Variants in FSIP2 observed in about 807,000 individuals in gnomAD.
FSIP2 encodes the protein fibrous sheath-interacting protein 2.
Under a neutral mutation model 510.5 loss-of-function variants are expected in FSIP2, and 367 were observed. The ratio of observed to expected loss-of-function variants is 0.72; its 90% confidence interval spans 0.66 to 0.78. The LOEUF is 0.78. Among genes scored for constraint, FSIP2 ranks in the 30% least tolerant of loss-of-function variants. The pLI, the probability that FSIP2 is intolerant of heterozygous loss-of-function variation, is 0.00. For missense variants in FSIP2, 7,594 were observed against 7,901.7 expected, an observed-to-expected ratio of 0.96 and a Z score of 1.48; for synonymous variants, 2,601 against 2,732.2, an observed-to-expected ratio of 0.95 and a Z score of 1.50.
chr2:185,795,880 T>C lies in FSIP2; in HGVS notation c.8744T>C (p.Met2915Thr), dbSNP rs920695047. 32 of 1,532,508 alleles carry C rather than the reference T, an allele frequency of 2.1e-5. No individual in the cohort carries two copies. Among genetic ancestry groups the C allele is most frequent in the Non-Finnish European group, 2.6e-5 (30 of 1,145,460 alleles). The allele number at this position is 1,532,508 out of a possible 1,614,324, so 94.9% of individuals were successfully genotyped here. Residue 2915 changes from methionine to threonine, a missense_variant, in exon 16 of 23, where the codon ATG (methionine) becomes ACG (threonine). Coordinates refer to ENST00000424728, the MANE Select transcript of FSIP2 (RefSeq NM_173651.4). ...GAGGATACTAAAGCACAAATTAATA[T>C]GTTTGGAAGGGAAATTGTTGAAATG... Reference protein sequence around the residue: ...RAEDTKAQINMFGREIVEMLL... With the variant: ...RAEDTKAQINTFGREIVEMLL...
Position 185,800,410 on chromosome 2 carries a change from A to G in FSIP2, c.11104A>G (p.Ile3702Val). 6.6e-7 allele frequency: 1 copy of G among 1,526,680 alleles called. No homozygotes were observed. The allele number at this position is 1,526,680 out of a possible 1,614,324, so 94.6% of individuals were successfully genotyped here. A position where few individuals can be genotyped will look rare whatever the true frequency, so the allele number is the denominator to read the frequency against. ...AGAAGTAGTCAATAAAGTTTTTAAT[A>G]TTGTTTCAGATTTATTTTCACCAGA... Reference protein sequence around the residue: ...SKEVVNKVFNIVSDLFSPDEC... With the variant: ...SKEVVNKVFNVVSDLFSPDEC... Residue 3702 changes from isoleucine (I) to valine (V), a missense_variant, in exon 17 of 23, where the codon ATT (isoleucine) becomes GTT (valine). By Grantham distance (29) the Ile-to-Val change is conservative. Coordinates refer to ENST00000424728, the MANE Select transcript of FSIP2 (RefSeq NM_173651.4).
chr2:185,773,720 T>G (rs1217422705), intron 13 of FSIP2, among the ~76,000 whole-genome samples: 3 of 152,194 alleles, frequency 2.0e-5, no homozygotes, highest in African/African-American at 7.2e-5. Flanking sequence ...TCCAAGGTCT[T>G]TCCTGTTAAT....
At chr2:185,754,847 A>T (rs1207475459) in intron 8 of FSIP2, among the ~76,000 whole-genome samples, 1 of 151,254 alleles carries the variant, frequency 6.6e-6, no homozygotes, top group Non-Finnish European at 1.5e-5. Flanking sequence ...AAATTATTTA[A>T]CCTCCCTAAG....
chr2:185,748,729 G>A lies in FSIP2; in HGVS notation c.870+1306G>A, dbSNP rs569554207. ...AGCCTGGGAGGAGTGCCCATTAGAC[G>A]TGGTCACTGACTGTAAGCATGATAA... On this transcript the variant is annotated intron_variant, in intron 7 of 22. Transcript: ENST00000424728. Among the ~76,000 whole-genome samples the A allele has an allele frequency of 1.5e-3, 222 of 152,112 alleles. 2 individuals are homozygous for A. Among genetic ancestry groups the A allele is most frequent in the African/African-American group, 5.1e-3 (210 of 41,536 alleles).
At position 185,739,471 on chromosome 2, in the gene FSIP2, G is replaced by A; in HGVS notation, c.225G>A (p.Lys75=). The change falls in exon 2 of 23, where the codon AAG becomes AAA. Residue 75 remains lysine, a splice_region_variant and synonymous_variant. Transcript: ENST00000424728. ...TCTATACTACGAATTTCGGTGAAAAGGTGAACAAGTTTTTATCGTCTTTCT... is the reference window on the plus strand; with the variant it reads ...TCTATACTACGAATTTCGGTGAAAAAGTGAACAAGTTTTTATCGTCTTTCT... ...AVFYTTNFGE[K]LFRPSYGFNL... The A allele has an allele frequency of 6.7e-7, 1 of 1,494,906 alleles. No individual in the cohort carries two copies. Among genetic ancestry groups the A allele is most frequent in the Non-Finnish European group, 8.9e-7 (1 of 1,126,612 alleles). The allele number at this position is 1,494,906 out of a possible 1,614,324, so 92.6% of individuals were successfully genotyped here.
In FSIP2 at chr2:185,800,728, G is replaced by A. The variant is rs1195509179; in HGVS notation, c.11422G>A (p.Gly3808Arg). 1.9e-5 allele frequency: 29 copies of A among 1,533,482 alleles called. No homozygotes were observed. Among genetic ancestry groups the A allele is most frequent in the Non-Finnish European group, 2.2e-5 (25 of 1,145,390 alleles). 95.0% of individuals were successfully genotyped at this position (1,533,482 alleles called of 1,614,324 possible). A position where few individuals can be genotyped will look rare whatever the true frequency, so the allele number is the denominator to read the frequency against. The change falls in exon 17 of 23, where the codon GGA becomes AGA. Residue 3808 changes from glycine (G) to arginine (R), a missense_variant. Physicochemically the swap from Gly to Arg is moderately radical, Grantham distance 125 (BLOSUM62 -2). Transcript: ENST00000424728. ...EDGKSDYRKG[G>R]MDCECLQVDY... The stretch of plus-strand genomic sequence containing the variant: ...TGGAAAATCTGATTATCGTAAGGGA[G>A]GAATGGACTGTGAATGCCTTCAAGT...
In FSIP2 at chr2:185,804,726, A is replaced by G; in HGVS notation, c.15420A>G (p.Lys5140=). 6.5e-6 allele frequency: 10 copies of G among 1,530,624 alleles called. No homozygotes were observed. The highest frequency in any genetic ancestry group is 8.7e-6 in the Non-Finnish European group (10 of 1,144,394). 94.8% of individuals were successfully genotyped at this position (1,530,624 alleles called of 1,614,324 possible). Residue 5140 remains lysine (K), a synonymous_variant, in exon 17 of 23, where the codon AAA becomes AAG. Coordinates refer to ENST00000424728, the MANE Select transcript of FSIP2 (RefSeq NM_173651.4). ...FPSTHTENEL[K]EKKFPPDDEF... Reference sequence around the variant, plus strand: ...CAACTCACACTGAAAATGAACTAAAAGAGAAAAAGTTTCCACCGGATGATG... The same window carrying G: ...CAACTCACACTGAAAATGAACTAAAGGAGAAAAAGTTTCCACCGGATGATG...
chr2:185,767,271 A>G (rs1692507486), intron 13 of FSIP2, among the ~76,000 whole-genome samples: 1 of 151,070 alleles, frequency 6.6e-6, no homozygotes, highest in South Asian at 2.1e-4. Flanking sequence ...ATACATATGT[A>G]ACTAACCTGC....
In FSIP2 at chr2:185,809,057, C is replaced by A. The variant is rs773853107; in HGVS notation, c.19751C>A (p.Pro6584His). Reference sequence around the variant, plus strand: ...GGGAGAAATTACTCCTTAGGATCACCTGATTTAGAAAAGAGAAAGACAGAA... The same window carrying A: ...GGGAGAAATTACTCCTTAGGATCACATGATTTAGAAAAGAGAAAGACAGAA... ...ISGRNYSLGS[P>H]DLEKRKTERR... is the part of the protein sequence containing the mutation. The change falls in exon 17 of 23, where the codon CCT becomes CAT. Residue 6584 changes from proline to histidine, a missense_variant. By Grantham distance (77) the Pro-to-His change is moderately conservative. Transcript: ENST00000424728. 2 of 1,607,832 alleles carry A rather than the reference C, an allele frequency of 1.2e-6. No individual in the cohort carries two copies. Among genetic ancestry groups the A allele is most frequent in the Non-Finnish European group, 1.7e-6 (2 of 1,178,030 alleles).
At chr2:185,737,485 C>G (rs1020813769), upstream of FSIP2, among the ~76,000 whole-genome samples, 2 of 152,002 alleles carry the variant, frequency 1.3e-5, no homozygotes, top group Non-Finnish European at 2.9e-5. Flanking sequence ...AAATGATTAG[C>G]GGCTTAACCG....
chr2:185,811,657 C>T (rs1574202144), intron 17 of FSIP2, among the ~76,000 whole-genome samples: 1 of 152,054 alleles, frequency 6.6e-6, no homozygotes, highest in African/African-American at 2.4e-5. Flanking sequence ...GCTTCAAAAG[C>T]ATTTCAGAGA....
intron 19 of FSIP2, 83 bp from the exon 20 acceptor site, chr2:185,824,351 A>G: frequency 1.2e-6 from 1 of 866,322 alleles, no homozygotes; most frequent in Non-Finnish European, 1.9e-6. Flanking sequence ...TTCCATATGG[A>G]GAATAACTGT....
At chr2:185,765,677 G>A (rs956546902) in intron 13 of FSIP2, 3 of 152,058 alleles carry the variant, frequency 2.0e-5, no homozygotes, top group African/African-American at 7.2e-5. Flanking sequence ...CCAATTCTGT[G>A]AAGAAAGTCA....
chr2:185,747,867 T>C (rs1692065159), intron 7 of FSIP2, among the ~76,000 whole-genome samples: 1 of 152,044 alleles, frequency 6.6e-6, no homozygotes, highest in South Asian at 2.1e-4. Flanking sequence ...ACTTTTTAGT[T>C]CTCACATATA....
chr2:185,774,379 A>G (rs1255341316), intron 13 of FSIP2, among the ~76,000 whole-genome samples: 1 of 152,194 alleles, frequency 6.6e-6, no homozygotes, highest in Non-Finnish European at 1.5e-5. Flanking sequence ...TATTGCCTGG[A>G]AAGTGTCTTT....
In FSIP2 at chr2:185,802,051, T is replaced by C. The variant is rs1693452246; in HGVS notation, c.12745T>C (p.Phe4249Leu). 6.5e-7 allele frequency: 1 copy of C among 1,532,676 alleles called. No individual in the cohort carries two copies. Among genetic ancestry groups the C allele is most frequent in the Non-Finnish European group, 8.7e-7 (1 of 1,145,020 alleles). 94.9% of individuals were successfully genotyped at this position (1,532,676 alleles called of 1,614,324 possible). A position where few individuals can be genotyped will look rare whatever the true frequency, so the allele number is the denominator to read the frequency against. The change falls in exon 17 of 23, where the codon TTT becomes CTT. Residue 4249 changes from phenylalanine (F) to leucine (L), a missense_variant. Coordinates refer to ENST00000424728, the MANE Select transcript of FSIP2 (RefSeq NM_173651.4). ...AATTATGATTGACCAAATAGCCAGC[T>C]TTATCATCCAAGAGATTATCGAAAA... ...SPIMIDQIAS[F>L]IIQEIIENHL...
At chr2:185,776,078 TGG>T (rs1692710892) in intron 13 of FSIP2, among the ~76,000 whole-genome samples, 1 of 152,238 alleles carries the variant, frequency 6.6e-6, no homozygotes, top group South Asian at 2.1e-4. Flanking sequence ...GAAACCAGAC[TGG>T]GCAAAATGGT....
Position 185,805,652 on chromosome 2 carries a change from C to T in FSIP2, c.16346C>T (p.Thr5449Ile), listed in dbSNP as rs145367587. Reference protein sequence around the residue: ...LSLPDQSYKDTSSTPDCKNMM... With the variant: ...LSLPDQSYKDISSTPDCKNMM... ...TTACCAGATCAATCATATAAAGATA[C>T]TTCTTCCACCCCAGATTGCAAAAAC... Residue 5449 changes from threonine (T) to isoleucine (I), a missense_variant, in exon 17 of 23, where the codon ACT becomes ATT. Transcript: ENST00000424728. The T allele has an allele frequency of 2.6e-3, 4,210 of 1,610,510 alleles. 63 individuals are homozygous for T. The highest frequency in any genetic ancestry group is 0.021 in the East Asian group (953 of 44,754).
chr2:185,763,211 A>C lies in FSIP2; in HGVS notation c.1269A>C (p.Ser423=). 1 of 1,502,904 alleles carries C rather than the reference A, an allele frequency of 6.7e-7. No individual in the cohort carries two copies. The highest frequency in any genetic ancestry group is 8.9e-7 in the Non-Finnish European group (1 of 1,117,424). The allele number at this position is 1,502,904 out of a possible 1,614,324, so 93.1% of individuals were successfully genotyped here. A position where few individuals can be genotyped will look rare whatever the true frequency, so the allele number is the denominator to read the frequency against. The change falls in exon 12 of 23, where the codon TCA becomes TCC. Residue 423 remains serine, a synonymous_variant. Transcript: ENST00000424728. ...RGGINISGQG[S]IISAQVSPTR... ...GTATAAATATTTCAGGCCAAGGTTCAATTATTTCAGCGCAGGTATCACCCA... is the reference window on the plus strand; with the variant it reads ...GTATAAATATTTCAGGCCAAGGTTCCATTATTTCAGCGCAGGTATCACCCA...
Sources: allele counts gnomAD v4.1 joint callset (sites outside exome capture counted in the v4.1 genomes callset), GRCh38; gene constraint gnomAD v4.1.1; transcripts MANE v1.5; gene names NCBI Gene and HGNC (gene_info 2026-07-23, HGNC 2026-07-21).